Variants in PRSS23 observed in about 807,000 individuals in gnomAD.
PRSS23 encodes the protein serine protease 23, also known as protease, serine 23.
Under a neutral mutation model 34.7 loss-of-function variants are expected in PRSS23, and 25 were observed. The ratio of observed to expected loss-of-function variants is 0.72; its 90% CI spans 0.53 to 1.01. The LOEUF (loss-of-function observed/expected upper bound fraction) is 1.01. Ranked by LOEUF, PRSS23 falls within the 50% of genes least tolerant of loss-of-function variation. The pLI is 0.00. For missense variants in PRSS23, 445 were observed against 475.6 expected, an observed-to-expected ratio of 0.94 and a Z score of 0.60; for synonymous variants, 176 against 186.6, an observed-to-expected ratio of 0.94 and a Z score of 0.46.
intron 2 of PRSS23, among the ~76,000 whole-genome samples, chr11:86,929,574 C>T (rs1331459847): frequency 1.3e-5 from 2 of 152,106 alleles, no homozygotes; most frequent in Non-Finnish European, 2.9e-5. Context: ...ACCTGGGAGG[C>T]GGAGGTTGCA....
intron 2 of PRSS23, among the ~76,000 whole-genome samples, chr11:86,824,380 A>T (rs1254522957): frequency 6.7e-6 from 1 of 150,342 alleles, no homozygotes; most frequent in African/African-American, 2.4e-5. Flanking sequence ...TAAATAAAAT[A>T]AAAAAACAAA....
intron 2 of PRSS23, among the ~76,000 whole-genome samples, chr11:86,878,268 CG>C: frequency 1.5e-5 from 1 of 65,764 alleles, no homozygotes; most frequent in East Asian, 5.2e-4. Flanking sequence ...CCTCTCCCCA[CG>C]GTCTCCCTCT....
chr11:86,920,049 C>T (rs185698169), intron 2 of PRSS23, among the ~76,000 whole-genome samples: 75 of 152,250 alleles, frequency 4.9e-4, no homozygotes, highest in African/African-American at 1.4e-3. Context: ...GTGAGGTCTG[C>T]GGTTTGGTGT....
rs572706674 is a variant in PRSS23 at position 86,810,730 on chromosome 11, A to G, written c.*1935A>G. On this transcript the variant is annotated 3_prime_UTR_variant, in exon 2 of 2. Coordinates refer to ENST00000280258, the MANE Select transcript of PRSS23 (RefSeq NM_007173.6). ...AAAGTTAGACAATGGCACAAAGTCA[A>G]AATGAAATCAATGTTTAGTTCACAA... 21 of 167,238 alleles carry G rather than the reference A, an allele frequency of 1.3e-4. No homozygotes were observed. In the South Asian group the frequency reaches 4.4e-3, roughly 35 times the overall value. The allele number at this position is 167,238 out of a possible 1,614,324, so 10.4% of individuals were successfully genotyped here.
intron 2 of PRSS23, among the ~76,000 whole-genome samples, chr11:86,893,553 A>G (rs574389811): frequency 1.3e-5 from 2 of 152,318 alleles, no homozygotes; most frequent in African/African-American, 4.8e-5. Flanking sequence ...TTAAGAGTCA[A>G]CGCTGGTCCT....
At chr11:86,879,832 G>GCC (rs1420210732) in intron 2 of PRSS23, among the ~76,000 whole-genome samples, 1 of 106,588 alleles carries the variant, frequency 9.4e-6, no homozygotes. Context: ...GGGGGGGTCA[G>GCC]CCCCCCGCCC....
At position 86,808,907 on chromosome 11, in the gene PRSS23, T is replaced by C; in HGVS notation, c.*112T>C. ...ACGTGTGTGTGTGTGTGTGTGTGTG[T>C]GTAAGGTGTCTTATAATCTTTTACC... On this transcript the variant is annotated 3_prime_UTR_variant, in exon 2 of 2. Coordinates refer to ENST00000280258, the MANE Select transcript of PRSS23 (RefSeq NM_007173.6). The C allele has an allele frequency of 1.2e-6, 1 of 841,370 alleles. No individual in the cohort carries two copies. The highest frequency in any genetic ancestry group is 1.9e-5 in the South Asian group (1 of 53,680). 52.1% of individuals were successfully genotyped at this position (841,370 alleles called of 1,614,324 possible).
chr11:86,952,118 C>A lies in PRSS23; in HGVS notation c.*833C>A. ...GATATCAGTGAACTCCTTGGCTGAG[C>A]GGCTGTATAAGCCAGCATCATAGCC... On this transcript the variant is annotated 3_prime_UTR_variant, in exon 3 of 3. Transcript: ENST00000533902. 3.1e-6 allele frequency: 5 copies of A among 1,613,892 alleles called. No homozygotes were observed. Among genetic ancestry groups the A allele is most frequent in the Non-Finnish European group, 4.2e-6 (5 of 1,179,852 alleles).
intron 2 of PRSS23, among the ~76,000 whole-genome samples, chr11:86,832,135 C>T (rs530380528): frequency 6.6e-6 from 1 of 152,158 alleles, no homozygotes; most frequent in East Asian, 1.9e-4. Context: ...GTTAATATTA[C>T]TGGTGGTGTT....
intron 2 of PRSS23, among the ~76,000 whole-genome samples, chr11:86,903,827 C>A (rs1948926184): frequency 6.6e-6 from 1 of 152,120 alleles, no homozygotes; most frequent in South Asian, 2.1e-4. Flanking sequence ...AAAATGCTTA[C>A]TTCCAGACCC....
intron 1 of PRSS23, chr11:86,821,560 C>G (rs1948251979): frequency 1.2e-6 from 2 of 1,610,890 alleles, no homozygotes; most frequent in Non-Finnish European, 1.7e-6. Context: ...GGCATTCACT[C>G]TGAAGTTTGA....
At chr11:86,923,163 G>A (rs1430218393) in intron 2 of PRSS23, among the ~76,000 whole-genome samples, 1 of 138,142 alleles carries the variant, frequency 7.2e-6, no homozygotes. Flanking sequence ...GGTCTCTGTC[G>A]CCCAGGCTGG....
At chr11:86,872,691 G>A (rs1401981542) in intron 2 of PRSS23, among the ~76,000 whole-genome samples, 3 of 152,170 alleles carry the variant, frequency 2.0e-5, no homozygotes, top group African/African-American at 7.2e-5. Context: ...AAAGCAATCT[G>A]TTATAATGAT....
At chr11:86,827,586 C>A (rs555576199) in intron 2 of PRSS23, among the ~76,000 whole-genome samples, 92 of 151,830 alleles carry the variant, frequency 6.1e-4, no homozygotes, top group Middle Eastern at 3.4e-3. Context: ...TTGTGATGTT[C>A]GGGTGTCAAT....
intron 2 of PRSS23, among the ~76,000 whole-genome samples, chr11:86,883,167 G>A (rs777400269): frequency 1.2e-4 from 18 of 152,198 alleles, no homozygotes; most frequent in East Asian, 3.9e-4. Flanking sequence ...TGTTTACTCC[G>A]TTGAAAAAAG....
chr11:86,800,346 C>A, upstream of PRSS23: 1 of 692,662 alleles, frequency 1.4e-6, no homozygotes, highest in Non-Finnish European at 1.8e-6. Context: ...CGCAGGGACG[C>A]TCGGCCTCAG....
intron 2 of PRSS23, among the ~76,000 whole-genome samples, chr11:86,823,984 C>T (rs1437515561): frequency 9.7e-6 from 1 of 103,158 alleles, no homozygotes; most frequent in Non-Finnish European, 1.8e-5. Flanking sequence ...CCGGCCTGGG[C>T]GACAGAGCGA....
chr11:86,866,587 G>A (rs1948650972), intron 2 of PRSS23, among the ~76,000 whole-genome samples: 2 of 152,060 alleles, frequency 1.3e-5, no homozygotes, highest in African/African-American at 4.8e-5. Flanking sequence ...TTAGACTCTG[G>A]GTATTTAAGG....
intron 2 of PRSS23, among the ~76,000 whole-genome samples, chr11:86,873,710 T>C (rs941938328): frequency 1.3e-5 from 2 of 152,164 alleles, no homozygotes; most frequent in Non-Finnish European, 2.9e-5. Flanking sequence ...ACCTCACTGA[T>C]GGTGAATGTT....
Sources: allele counts gnomAD v4.1 joint callset (sites outside exome capture counted in the v4.1 genomes callset), GRCh38; gene constraint gnomAD v4.1.1; transcripts MANE v1.5; gene names NCBI Gene and HGNC (gene_info 2026-07-23, HGNC 2026-07-21).